ENPEP: variants seen among roughly 807,000 people sequenced by gnomAD.
The protein encoded by ENPEP is glutamyl aminopeptidase.
A neutral mutation model predicts 114.5 loss-of-function variants in ENPEP; 103 were observed. That is an observed-to-expected ratio of 0.90 (90% CI 0.77 to 1.06). The LOEUF is 1.06. Among genes scored for constraint, ENPEP ranks in the 50% least tolerant of loss-of-function variants. The pLI is 0.00. For synonymous variants in ENPEP, 420 were observed against 422.0 expected, an observed-to-expected ratio of 1.00 and a Z score of 0.06; for missense variants, 1,196 against 1,161.3, an observed-to-expected ratio of 1.03 and a Z score of -0.43.
intron 1 of ENPEP, among the ~76,000 whole-genome samples, chr4:110,487,405 CAGTT>C (rs1405286806): frequency 6.6e-6 from 1 of 152,164 alleles, no homozygotes; most frequent in Non-Finnish European, 1.5e-5. Context: ...AAGATGGAGT[CAGTT>C]AGGTCTGACT....
chr4:110,529,853 C>T lies in ENPEP; in HGVS notation c.1728-1345C>T, dbSNP rs538943089. ...CTTTGGGAGGCCGAGGCAGGTGGAT[C>T]ACCTGAGGTCAGGAGTTCGAGACCA... is the stretch of plus-strand genomic sequence containing the variant. On this transcript the variant is annotated intron_variant, in intron 10 of 19. Coordinates refer to ENST00000265162, the MANE Select transcript of ENPEP (RefSeq NM_001977.4). 8.5e-5 allele frequency among the ~76,000 whole-genome samples: 13 copies of T among 152,292 alleles called. No individual in the cohort carries two copies. The East Asian group carries it at 2.5e-3, about 29-fold the overall frequency.
chr4:110,480,792 G>C (rs1267732761), intron 1 of ENPEP, among the ~76,000 whole-genome samples: 1 of 152,166 alleles, frequency 6.6e-6, no homozygotes, highest in East Asian at 1.9e-4. Context: ...GTTGTAGTGG[G>C]GCGTGGAAGG....
chr4:110,531,255 A>G lies in ENPEP; in HGVS notation c.1785A>G (p.Leu595=). The G allele has an allele frequency of 6.9e-7, 1 of 1,453,946 alleles. No homozygotes were observed. The highest frequency in any genetic ancestry group is 9.2e-7 in the Non-Finnish European group (1 of 1,082,134). The allele number at this position is 1,453,946 out of a possible 1,614,324, so 90.1% of individuals were successfully genotyped here. ...AAGATAATATAACAAGCAGTGTGTT[A>G]TTTAATAGGTCAGAAAAAGAAGGTA... ...WTEDNITSSV[L]FNRSEKEGIT... is the part of the protein sequence containing the mutation. The change falls in exon 11 of 20, where the codon TTA becomes TTG. Residue 595 remains leucine (L), a synonymous_variant. Coordinates refer to ENST00000265162, the MANE Select transcript of ENPEP (RefSeq NM_001977.4).
At position 110,506,674 on chromosome 4, in the gene ENPEP, C is replaced by T. The variant is rs766185932; in HGVS notation, c.956C>T (p.Ala319Val). The T allele has an allele frequency of 6.2e-7, 1 of 1,612,002 alleles. No homozygotes were observed. The highest frequency in any genetic ancestry group is 8.5e-7 in the Non-Finnish European group (1 of 1,178,868). ...IYVQPEQKHTAEYAANITKSV... is the reference protein window; with the variant it reads ...IYVQPEQKHTVEYAANITKSV... ...GTCCAGCCAGAGCAAAAGCACACAG[C>T]CGAATATGCTGCAAACATAACTAAA... Residue 319 changes from alanine to valine, a missense_variant, in exon 4 of 20, where the codon GCC (alanine) becomes GTC (valine). Transcript: ENST00000265162.
intron 5 of ENPEP, 70 bp from the exon 6 acceptor site, chr4:110,510,175 T>G: frequency 7.8e-7 from 1 of 1,285,762 alleles, no homozygotes; most frequent in Non-Finnish European, 1.1e-6. Flanking sequence ...AATAAATGTT[T>G]TGACATTTTC....
chr4:110,531,378 C>A, intron 11 of ENPEP, 101 bp downstream of exon 11: 1 of 921,970 alleles, frequency 1.1e-6, no homozygotes, highest in Non-Finnish European at 1.5e-6. Context: ...CTTATGTAAA[C>A]TTCAGCTAAG....
intron 3 of ENPEP, among the ~76,000 whole-genome samples, chr4:110,503,938 C>T (rs1197740775): frequency 6.6e-6 from 1 of 152,204 alleles, no homozygotes; most frequent in Admixed American, 6.5e-5. Context: ...CAAGGCTCCT[C>T]TGTGTTTCCT....
intron 11 of ENPEP, among the ~76,000 whole-genome samples, chr4:110,542,459 AC>A (rs1726884954): frequency 6.6e-6 from 1 of 152,108 alleles, no homozygotes; most frequent in Non-Finnish European, 1.5e-5. Flanking sequence ...ATTGACCAGC[AC>A]GAAATTATTT....
At chr4:110,508,338 T>C (rs933304059) in intron 4 of ENPEP, among the ~76,000 whole-genome samples, 6 of 151,068 alleles carry the variant, frequency 4.0e-5, no homozygotes, top group Non-Finnish European at 5.9e-5. Context: ...CAAACTGCAC[T>C]CCACAACATT....
At chr4:110,556,458 A>G (rs755964165) in intron 18 of ENPEP, among the ~76,000 whole-genome samples, 8 of 151,736 alleles carry the variant, frequency 5.3e-5, no homozygotes, top group African/African-American at 1.9e-4. Flanking sequence ...ATTATTTTGA[A>G]TGGCTTAATA....
At position 110,565,133 on chromosome 4, in the gene ENPEP, C is replaced by A. The variant is rs369535683; in HGVS notation, c.*3575C>A. On this transcript the variant is annotated 3_prime_UTR_variant, in exon 20 of 20. Transcript: ENST00000265162. The stretch of plus-strand genomic sequence containing the variant: ...TACTTCAGGGTTTAGCGACCTTTTG[C>A]CTGCCTGTTTTTGTAAGGCCTGAAA... 92 of 152,244 alleles carry A rather than the reference C, an allele frequency of 6.0e-4. No individual in the cohort carries two copies. The highest frequency in any genetic ancestry group is 2.1e-3 in the African/African-American group (87 of 41,534). The allele number at this position is 152,244 out of a possible 1,614,324, so 9.4% of individuals were successfully genotyped here. A position where few individuals can be genotyped will look rare whatever the true frequency, so the allele number is the denominator to read the frequency against.
rs202063043 is a variant in ENPEP, at chr4:110,504,691, C to T, written c.919-1946C>T. Among the ~76,000 whole-genome samples the T allele has an allele frequency of 2.2e-4, 34 of 152,274 alleles. No homozygotes were observed. In the East Asian group the frequency reaches 5.8e-3, roughly 26 times the overall value. On this transcript the variant is annotated intron_variant, in intron 3 of 19. Coordinates refer to ENST00000265162, the MANE Select transcript of ENPEP (RefSeq NM_001977.4). The stretch of plus-strand genomic sequence containing the variant: ...TTTATTTTGATTGAATTTACATTAA[C>T]ATCAATCTTCTTTAAACACTGCCTT...
intron 1 of ENPEP, among the ~76,000 whole-genome samples, chr4:110,483,386 T>C (rs1184485969): frequency 6.6e-6 from 1 of 152,144 alleles, no homozygotes; most frequent in Non-Finnish European, 1.5e-5. Context: ...GTTCAACTTA[T>C]AAAATTGCTC....
intron 10 of ENPEP, among the ~76,000 whole-genome samples, chr4:110,520,711 T>C (rs112207254): frequency 9.7e-4 from 147 of 152,008 alleles, no homozygotes; most frequent in African/African-American, 3.4e-3. Flanking sequence ...CTGAGGAAAA[T>C]ACAACCAGAT....
At chr4:110,499,658 T>G (rs1420575037) in intron 3 of ENPEP, among the ~76,000 whole-genome samples, 1 of 152,202 alleles carries the variant, frequency 6.6e-6, no homozygotes, top group Non-Finnish European at 1.5e-5. Flanking sequence ...TCAGTGATAC[T>G]TCTGCAGCAA....
Position 110,476,705 on chromosome 4 carries a change from C to G in ENPEP, c.291C>G (p.Val97=). The change falls in exon 1 of 20, where the codon GTC becomes GTG. Residue 97 remains valine (V), a synonymous_variant. Coordinates refer to ENST00000265162, the MANE Select transcript of ENPEP (RefSeq NM_001977.4). ...AAAACTTTCGACTGCCGGACTTCGT[C>G]AACCCAGTCCACTACGACCTGCACG... The part of the protein sequence containing the change: ...QWKNFRLPDF[V]NPVHYDLHVK... 6.2e-7 allele frequency: 1 copy of G among 1,613,924 alleles called. No individual in the cohort carries two copies. Among genetic ancestry groups the G allele is most frequent in the Non-Finnish European group, 8.5e-7 (1 of 1,180,046 alleles).
rs1032652370 is a variant in ENPEP at position 110,563,939 on chromosome 4, A to C, written c.*2381A>C. On this transcript the variant is annotated 3_prime_UTR_variant, in exon 20 of 20. Coordinates refer to ENST00000265162, the MANE Select transcript of ENPEP (RefSeq NM_001977.4). ...TACAGCTTACCCTCCAAGTTGGTGAAGTGTTAGTCCAAAAGTAGAAACAAC... is the reference window on the plus strand; with the variant it reads ...TACAGCTTACCCTCCAAGTTGGTGACGTGTTAGTCCAAAAGTAGAAACAAC... The C allele has an allele frequency of 9.2e-5, 14 of 152,176 alleles. No individual in the cohort carries two copies. Among genetic ancestry groups the C allele is most frequent in the African/African-American group, 3.4e-4 (14 of 41,448 alleles). The allele number at this position is 152,176 out of a possible 1,614,324, so 9.4% of individuals were successfully genotyped here.
At chr4:110,550,468 A>C (rs1727245613) in intron 17 of ENPEP, among the ~76,000 whole-genome samples, 1 of 152,054 alleles carries the variant, frequency 6.6e-6, no homozygotes, top group African/African-American at 2.4e-5. Context: ...GTTTTACCTA[A>C]GATCAAGGAT....
Position 110,536,007 on chromosome 4 carries a change from T to C in ENPEP, c.1807+4730T>C, listed in dbSNP as rs563926259. 4.9e-4 allele frequency among the ~76,000 whole-genome samples: 72 copies of C among 148,390 alleles called. 1 individual carries two copies. The highest frequency in any genetic ancestry group is 7.7e-4 in the Non-Finnish European group (52 of 67,588). On this transcript the variant is annotated intron_variant, in intron 11 of 19. Coordinates refer to ENST00000265162, the MANE Select transcript of ENPEP (RefSeq NM_001977.4). ...CTGTAATGCCAGCTACTCGGGAGGC[T>C]GAAGCAGGAGAATTGCTTGAACCCG...
Sources: gnomAD v4.1 joint callset for allele counts (sites outside exome capture counted in the v4.1 genomes callset) on GRCh38, gnomAD v4.1.1 for gene constraint, MANE v1.5 for transcripts, NCBI Gene and HGNC (gene_info 2026-07-23, HGNC 2026-07-21) for gene names.